Variants in HSPA12B observed in about 807,000 individuals in gnomAD.
The protein encoded by HSPA12B is heat shock protein family A (Hsp70) member 12B.
A neutral mutation model predicts 69.3 loss-of-function variants in HSPA12B; 54 were observed. That is an observed-to-expected ratio of 0.78 (90% CI 0.63 to 0.98). The LOEUF (loss-of-function observed/expected upper bound fraction) is 0.98. HSPA12B is among the 50% of genes least tolerant of loss of function. The pLI is 0.00. For missense variants in HSPA12B, 929 were observed against 999.8 expected (o/e 0.93, Z 0.96); for synonymous variants, 441 against 436.5 (o/e 1.01, Z -0.13).
chr20:3,737,865 T>A lies in HSPA12B; in HGVS notation c.-17-793T>A, dbSNP rs1039992953. On this transcript the variant is annotated intron_variant, in intron 1 of 12. Coordinates refer to ENST00000254963, the MANE Select transcript of HSPA12B (RefSeq NM_052970.5). This position sits in a 1 kb window ranked among gnomAD's most constrained non-coding sequence, Gnocchi z 4.1. ...TAAAAATACAAAAATTAGCTGGGCA[T>A]GGAGGCACTCACCTGTAATCCCAGC... Among the ~76,000 whole-genome samples the A allele has an allele frequency of 6.6e-6, 1 of 152,158 alleles. No individual in the cohort carries two copies. The highest frequency in any genetic ancestry group is 1.5e-5 in the Non-Finnish European group (1 of 68,024).
rs1010218332 is a variant in HSPA12B, at chr20:3,749,373, C to G, written c.937+55C>G. 4.1e-6 allele frequency: 6 copies of G among 1,466,130 alleles called. No homozygotes were observed. The highest frequency in any genetic ancestry group is 2.3e-5 in the East Asian group (1 of 42,688). 90.8% of individuals were successfully genotyped at this position (1,466,130 alleles called of 1,614,324 possible). On this transcript the variant is annotated intron_variant, in intron 9 of 12. Transcript: ENST00000254963. The surrounding 1 kb of genome is among the most constrained non-coding windows in gnomAD (Gnocchi z 5.5). ...CTTGGCCCCTACCGGGCACCATATA[C>G]TGATGGGGGGAAGGGCATGTTTGCA...
chr20:3,746,388 T>C (rs6052064), intron 7 of HSPA12B, among the ~76,000 whole-genome samples: 1,785 of 136,576 alleles, frequency 0.013, 34 homozygotes, highest in African/African-American at 0.045. Context: ...CTGCAAGCTC[T>C]GCCTCCCAGG....
chr20:3,734,100 C>A (rs867766690), intron 1 of HSPA12B, among the ~76,000 whole-genome samples: 1 of 152,168 alleles, frequency 6.6e-6, no homozygotes. Context: ...GCCAGGTGGT[C>A]GAGGCTGCAG....
chr20:3,742,488 G>A (rs895520681), intron 4 of HSPA12B, 80 bp downstream of exon 4: 64 of 1,157,640 alleles, frequency 5.5e-5, no homozygotes, highest in African/African-American at 7.6e-5. Flanking sequence ...TACTGTCACC[G>A]AGACATGGGG....
intron 7 of HSPA12B, among the ~76,000 whole-genome samples, chr20:3,746,632 TGAA>T (rs774027089): frequency 2.5e-4 from 38 of 152,096 alleles, no homozygotes; most frequent in Non-Finnish European, 4.1e-4. Context: ...TGAGGTCTAT[TGAA>T]GAAGGTTTCT....
intron 4 of HSPA12B, among the ~76,000 whole-genome samples, chr20:3,743,367 A>T (rs7268313): frequency 0.45 from 46,081 of 103,212 alleles, 8,026 homozygotes; most frequent in Non-Finnish European, 0.51. Context: ...AAAAAAAAAA[A>T]TTTTTTTTTG....
At position 3,738,649 on chromosome 20, in the gene HSPA12B, T is replaced by C. The variant is rs199749149; in HGVS notation, c.-17-9T>C. The stretch of plus-strand genomic sequence containing the variant: ...AAATCCCACTCTGCTTGTCTGTTCC[T>C]GTTGACAGCTACAGGGCCTGCAAGG... On this transcript the variant is annotated splice_polypyrimidine_tract_variant and intron_variant, in intron 1 of 12. Coordinates refer to ENST00000254963, the MANE Select transcript of HSPA12B (RefSeq NM_052970.5). 1 of 1,613,788 alleles carries C rather than the reference T, an allele frequency of 6.2e-7. No homozygotes were observed. Among genetic ancestry groups the C allele is most frequent in the African/African-American group, 1.3e-5 (1 of 75,050 alleles).
At position 3,745,708 on chromosome 20, in the gene HSPA12B, A is replaced by G; in HGVS notation, c.558+111A>G. On this transcript the variant is annotated intron_variant, in intron 6 of 12. Coordinates refer to ENST00000254963, the MANE Select transcript of HSPA12B (RefSeq NM_052970.5). The surrounding 1 kb of genome is among the most constrained non-coding windows in gnomAD (Gnocchi z 5.6). ...ACATTGGATGGGTAGCCACCGCCGG[A>G]GCTCAGAGGTCATCTTCTCCAGTAC... is the stretch of plus-strand genomic sequence containing the variant. 1 of 1,027,032 alleles carries G rather than the reference A, an allele frequency of 9.7e-7. No homozygotes were observed. Among genetic ancestry groups the G allele is most frequent in the Non-Finnish European group, 1.5e-6 (1 of 670,800 alleles). The allele number at this position is 1,027,032 out of a possible 1,614,324, so 63.6% of individuals were successfully genotyped here.
intron 4 of HSPA12B, among the ~76,000 whole-genome samples, chr20:3,743,567 A>T (rs2088245180): frequency 2.0e-5 from 3 of 152,182 alleles, no homozygotes; most frequent in Admixed American, 2.0e-4. Flanking sequence ...TTTAAGTAAA[A>T]GTGAGATATA....
Position 3,740,718 on chromosome 20 carries a change from C to G in HSPA12B, c.44-97C>G. On this transcript the variant is annotated intron_variant, in intron 2 of 12. Coordinates refer to ENST00000254963, the MANE Select transcript of HSPA12B (RefSeq NM_052970.5). This position sits in a 1 kb window ranked among gnomAD's most constrained non-coding sequence, Gnocchi z 4.9. ...CAGAGAGCCCTTTGCCTTAGCCCAGCAAGGACTGATGGAGAACCTTTGGGT... is the reference window on the plus strand; with the variant it reads ...CAGAGAGCCCTTTGCCTTAGCCCAGGAAGGACTGATGGAGAACCTTTGGGT... The G allele has an allele frequency of 1.1e-6, 1 of 930,330 alleles. No individual in the cohort carries two copies. The highest frequency in any genetic ancestry group is 2.6e-5 in the East Asian group (1 of 38,292). The allele number at this position is 930,330 out of a possible 1,614,324, so 57.6% of individuals were successfully genotyped here. A position where few individuals can be genotyped will look rare whatever the true frequency, so the allele number is the denominator to read the frequency against.
At chr20:3,743,993 C>A (rs886651629) in intron 4 of HSPA12B, among the ~76,000 whole-genome samples, 2 of 152,038 alleles carry the variant, frequency 1.3e-5, no homozygotes, top group African/African-American at 4.8e-5. Flanking sequence ...TTCAAAAATC[C>A]ATTCAAATGT....
rs2088386089 is a variant in HSPA12B, at chr20:3,750,091, A to G, written c.1165A>G (p.Ile389Val). The change falls in exon 11 of 13, where the codon ATC (isoleucine) becomes GTC (valine). Residue 389 changes from isoleucine to valine, a missense_variant. By Grantham distance (29) the Ile-to-Val change is conservative (BLOSUM62 3). This residue lies in a region of HSPA12B where 4 missense variants were observed against 16.5 expected (regional missense o/e 0.24). Coordinates refer to ENST00000254963, the MANE Select transcript of HSPA12B (RefSeq NM_052970.5). ...GCCGGCAGCCTGGGTAGATCTGACCATCGCCTTCGAGGCTCGCAAGCGCAC... is the reference window on the plus strand; with the variant it reads ...GCCGGCAGCCTGGGTAGATCTGACCGTCGCCTTCGAGGCTCGCAAGCGCAC... The part of the protein sequence containing the change: ...QRPAAWVDLT[I>V]AFEARKRTAG... The G allele has an allele frequency of 6.2e-7, 1 of 1,612,180 alleles. No homozygotes were observed. The highest frequency in any genetic ancestry group is 8.5e-7 in the Non-Finnish European group (1 of 1,179,714).
In HSPA12B at chr20:3,751,762, C is replaced by T. The variant is rs752072238; in HGVS notation, c.1657C>T (p.Pro553Ser). 20 of 1,525,202 alleles carry T rather than the reference C, an allele frequency of 1.3e-5. No homozygotes were observed. The highest frequency in any genetic ancestry group is 1.8e-5 in the Non-Finnish European group (20 of 1,142,048). 94.5% of individuals were successfully genotyped at this position (1,525,202 alleles called of 1,614,324 possible). A position where few individuals can be genotyped will look rare whatever the true frequency, so the allele number is the denominator to read the frequency against. Residue 553 changes from proline (P) to serine (S), a missense_variant, in exon 13 of 13, where the codon CCT (proline) becomes TCT (serine). Pro to Ser is a moderately conservative substitution (Grantham distance 74, BLOSUM62 -1). Transcript: ENST00000254963. The part of the protein sequence containing the change: ...YGVGVLNRFV[P>S]GRHPPEKLLV... ...CGTGGGCGTGCTCAACCGCTTTGTG[C>T]CTGGGCGCCACCCGCCCGAAAAGCT... is the stretch of plus-strand genomic sequence containing the variant.
chr20:3,746,362 G>T (rs966704531), intron 7 of HSPA12B, among the ~76,000 whole-genome samples: 1 of 139,372 alleles, frequency 7.2e-6, no homozygotes, highest in African/African-American at 2.7e-5. Flanking sequence ...GAGCGCAGTG[G>T]CGTGATCTCG....
Position 3,751,967 on chromosome 20 carries a change from AC to A in HSPA12B, c.1866del (p.Gly623AlafsTer96). 6.3e-7 allele frequency: 1 copy of A among 1,578,770 alleles called. No homozygotes were observed. The highest frequency in any genetic ancestry group is 8.6e-7 in the Non-Finnish European group (1 of 1,167,860). ...GCAGAGGATGCGCGCTTCATCACCG[AC>A]CCCGGCGTGCGCAAATGCGGCGCGC... Reference protein sequence around the residue: ...CAAEDARFITDPGVRKCGALS... With the variant: ...CAAEDARFITXPGVRKCGALS... On this transcript the variant is annotated frameshift_variant, in exon 13 of 13. Coordinates refer to ENST00000254963, the MANE Select transcript of HSPA12B (RefSeq NM_052970.5). LOFTEE classifies it high-confidence loss of function.
intron 7 of HSPA12B, among the ~76,000 whole-genome samples, chr20:3,746,809 C>T (rs961593247): frequency 6.6e-6 from 1 of 152,124 alleles, no homozygotes; most frequent in Non-Finnish European, 1.5e-5. Context: ...ACATCCGTAT[C>T]GGTCTGTCAC....
intron 2 of HSPA12B, among the ~76,000 whole-genome samples, chr20:3,738,973 G>A (rs2146558703): frequency 6.6e-6 from 1 of 152,260 alleles, no homozygotes; most frequent in South Asian, 2.1e-4. Flanking sequence ...TCTATTCACA[G>A]GACCCTCATG....
rs76576225 is a variant in HSPA12B, at chr20:3,750,362, C to T, written c.1301+135C>T. The T allele has an allele frequency of 2.2e-3, 2,142 of 995,940 alleles. 30 individuals carry two copies. In the African/African-American group the frequency reaches 0.031, roughly 14 times the overall value. 61.7% of individuals were successfully genotyped at this position (995,940 alleles called of 1,614,324 possible). A position where few individuals can be genotyped will look rare whatever the true frequency, so the allele number is the denominator to read the frequency against. On this transcript the variant is annotated intron_variant, in intron 11 of 12. Coordinates refer to ENST00000254963, the MANE Select transcript of HSPA12B (RefSeq NM_052970.5). ...CATATACACTAAGCCAGCAGGGCGT[C>T]GGGGTGGGGCGGCGGGGAGCGGCGA...
chr20:3,735,612 T>G (rs1242100122), intron 1 of HSPA12B, among the ~76,000 whole-genome samples: 1 of 152,028 alleles, frequency 6.6e-6, no homozygotes, highest in Non-Finnish European at 1.5e-5. Flanking sequence ...ATTACAGGCG[T>G]CTGCCACTAC....
Sources: allele counts gnomAD v4.1 joint callset (sites outside exome capture counted in the v4.1 genomes callset), GRCh38; gene constraint gnomAD v4.1.1; regional missense constraint gnomAD v4.1.1; non-coding constraint Gnocchi (gnomAD v3.1); transcripts MANE v1.5; gene names NCBI Gene and HGNC (gene_info 2026-07-23, HGNC 2026-07-21).